ADARB2: variants seen among roughly 807,000 people sequenced by gnomAD.
The protein encoded by ADARB2 is inactive double-stranded RNA-specific editase B2.
A neutral mutation model predicts 62.2 loss-of-function variants in ADARB2; 25 were observed. That is an observed-to-expected ratio of 0.40 (90% CI 0.29 to 0.56). The LOEUF (loss-of-function observed/expected upper bound fraction) is 0.56. ADARB2 is among the 20% of genes least tolerant of loss of function. ADARB2 has a pLI of 0.43. For missense variants in ADARB2, 1,071 were observed against 1,077.4 expected (o/e 0.99, Z 0.08); for synonymous variants, 572 against 500.8 (o/e 1.14, Z -1.90).
At chr10:1,346,657 A>G (rs1832083567) in intron 3 of ADARB2, among the ~76,000 whole-genome samples, 1 of 152,256 alleles carries the variant, frequency 6.6e-6, no homozygotes, top group Non-Finnish European at 1.5e-5. Flanking sequence ...ACTAAAGGCA[A>G]GAGCAAGGCC....
chr10:1,603,914 C>T (rs900185477), intron 1 of ADARB2, among the ~76,000 whole-genome samples: 3 of 152,112 alleles, frequency 2.0e-5, no homozygotes, highest in African/African-American at 7.2e-5. Flanking sequence ...AAGCGATTCT[C>T]CTGCCTCAGC....
intron 1 of ADARB2, among the ~76,000 whole-genome samples, chr10:1,628,572 G>A (rs895117236): frequency 4.1e-4 from 63 of 152,192 alleles, no homozygotes; most frequent in Non-Finnish European, 4.3e-4. Flanking sequence ...ACACTTGGCC[G>A]AATGTCACTA....
chr10:1,390,237 C>G (rs1243373934), intron 1 of ADARB2, among the ~76,000 whole-genome samples: 1 of 152,204 alleles, frequency 6.6e-6, no homozygotes, highest in Non-Finnish European at 1.5e-5. Context: ...GTTCCATTTA[C>G]ATAAAGTTCC....
chr10:1,522,944 G>C (rs1167150787), intron 1 of ADARB2, among the ~76,000 whole-genome samples: 1 of 152,092 alleles, frequency 6.6e-6, no homozygotes, highest in Non-Finnish European at 1.5e-5. Flanking sequence ...ACCAGTGCGA[G>C]GATCACAATG....
At chr10:1,317,410 AGTT>A (rs1564255481) in intron 3 of ADARB2, among the ~76,000 whole-genome samples, 3 of 152,338 alleles carry the variant, frequency 2.0e-5, no homozygotes, top group South Asian at 2.1e-4. Flanking sequence ...TGTCTTCGTA[AGTT>A]GTTGTACGGA....
At chr10:1,650,905 C>A (rs1441402164) in intron 1 of ADARB2, among the ~76,000 whole-genome samples, 2 of 152,196 alleles carry the variant, frequency 1.3e-5, no homozygotes, top group Admixed American at 6.5e-5. Context: ...GGTGGAGCAG[C>A]TTTTCCCGGC....
chr10:1,497,340 C>T (rs751060644), intron 1 of ADARB2, among the ~76,000 whole-genome samples: 22 of 152,160 alleles, frequency 1.4e-4, no homozygotes, highest in Non-Finnish European at 2.8e-4. Flanking sequence ...TATATACTGC[C>T]TTCATCATAT....
At chr10:1,565,006 C>T (rs997823979) in intron 1 of ADARB2, among the ~76,000 whole-genome samples, 2 of 152,180 alleles carry the variant, frequency 1.3e-5, no homozygotes, top group African/African-American at 4.8e-5. Context: ...GCCTGGGGGC[C>T]GACGTGCAGC....
At chr10:1,316,819 A>G (rs1831744005) in intron 3 of ADARB2, among the ~76,000 whole-genome samples, 1 of 152,238 alleles carries the variant, frequency 6.6e-6, no homozygotes, top group African/African-American at 2.4e-5. Context: ...TGCCCTGAGA[A>G]GGAAATACTA....
intron 1 of ADARB2, among the ~76,000 whole-genome samples, chr10:1,508,675 A>C (rs1831883100): frequency 6.6e-6 from 1 of 152,204 alleles, no homozygotes; most frequent in African/African-American, 2.4e-5. Context: ...GCTACTCAGG[A>C]GGCTGAGGTG....
intron 1 of ADARB2, among the ~76,000 whole-genome samples, chr10:1,717,724 C>G (rs1213922393): frequency 2.0e-5 from 3 of 151,948 alleles, no homozygotes; most frequent in African/African-American, 2.4e-5. Context: ...ACTACAAGCA[C>G]ACACCACCAC....
chr10:1,378,212 G>A (rs990230238), intron 2 of ADARB2, among the ~76,000 whole-genome samples: 3 of 152,142 alleles, frequency 2.0e-5, no homozygotes, highest in African/African-American at 4.8e-5. Flanking sequence ...GTCTGCTCCC[G>A]AGATGCCGCT....
At chr10:1,689,033 T>G (rs1418838427) in intron 1 of ADARB2, among the ~76,000 whole-genome samples, 1 of 152,182 alleles carries the variant, frequency 6.6e-6, no homozygotes, top group Non-Finnish European at 1.5e-5. Flanking sequence ...GTAAGAAGAA[T>G]TTCCCAAGAC....
chr10:1,329,928 CCTTTT>C (rs1831912589), intron 3 of ADARB2, among the ~76,000 whole-genome samples: 3 of 100,404 alleles, frequency 3.0e-5, no homozygotes, highest in African/African-American at 1.3e-4. Flanking sequence ...AGAAGAAGTG[CCTTTT>C]TTTTTTTTTT....
chr10:1,640,651 A>ACAC (rs1199332846), intron 1 of ADARB2, among the ~76,000 whole-genome samples: 5 of 151,682 alleles, frequency 3.3e-5, no homozygotes, highest in East Asian at 1.9e-4. Context: ...CACACACACA[A>ACAC]AAACACACAC....
chr10:1,251,555 A>C (rs1831038099), intron 4 of ADARB2, among the ~76,000 whole-genome samples: 1 of 152,212 alleles, frequency 6.6e-6, no homozygotes, highest in East Asian at 1.9e-4. Context: ...CCGGGAGCGA[A>C]CCCTAACACA....
chr10:1,493,173 T>C (rs969068096), intron 1 of ADARB2, among the ~76,000 whole-genome samples: 1 of 152,202 alleles, frequency 6.6e-6, no homozygotes. Context: ...GACTCAGAAA[T>C]CAAATCAGGA....
Position 1,737,170 on chromosome 10 carries a change from A to G in ADARB2, c.-20T>C. On this transcript the variant is annotated 5_prime_UTR_variant, in exon 1 of 10. Transcript: ENST00000381312. The stretch of plus-strand genomic sequence containing the variant: ...GGCCATGGCCGAGACCCAGGCGCGG[A>G]GCCCAGAGCCGCCTCCCTCCTGCAC... The G allele has an allele frequency of 6.2e-7, 1 of 1,602,126 alleles. No individual in the cohort carries two copies. The highest frequency in any genetic ancestry group is 8.5e-7 in the Non-Finnish European group (1 of 1,179,180).
chr10:1,566,588 A>G (rs1192412955), intron 1 of ADARB2, among the ~76,000 whole-genome samples: 2 of 152,022 alleles, frequency 1.3e-5, no homozygotes, highest in African/African-American at 4.8e-5. Flanking sequence ...TGATTCAGTG[A>G]TGTATATTTT....
Sources: allele counts gnomAD v4.1 joint callset (sites outside exome capture counted in the v4.1 genomes callset), GRCh38; gene constraint gnomAD v4.1.1; transcripts MANE v1.5; gene names NCBI Gene and HGNC (gene_info 2026-07-23, HGNC 2026-07-21).